The following DLC1 variants were observed in gnomAD, a reference collection of about 807,000 sequenced individuals.
DLC1 encodes the protein DLC1 Rho GTPase activating protein, also known as rho GTPase-activating protein 7.
A neutral mutation model predicts 140.3 loss-of-function variants in DLC1; 54 were observed. The ratio of observed to expected loss-of-function variants is 0.38; its 90% CI spans 0.31 to 0.48. The LOEUF (loss-of-function observed/expected upper bound fraction) is 0.48. Ranked by LOEUF, DLC1 falls within the 20% of genes least tolerant of loss-of-function variation. DLC1 has a pLI of 0.96. For missense variants in DLC1, 2,536 were observed against 1,907.0 expected, an observed-to-expected ratio of 1.33 and a Z score of -6.14; for synonymous variants, 986 against 728.1, an observed-to-expected ratio of 1.35 and a Z score of -5.70.
chr8:13,132,242 T>TGTGTGTGTGTGTGTGTG (rs1438491204), intron 5 of DLC1, among the ~76,000 whole-genome samples: 1 of 148,486 alleles, frequency 6.7e-6, no homozygotes, highest in African/African-American at 2.5e-5. Context: ...TGTGTGTGTG[T>TGTGTGTGTGTGTGTGTG]TTCCTAGCAA....
At chr8:13,187,956 T>G (rs1826482653) in intron 5 of DLC1, among the ~76,000 whole-genome samples, 1 of 152,200 alleles carries the variant, frequency 6.6e-6, no homozygotes, top group Admixed American at 6.5e-5. Context: ...CTTGCTCTCC[T>G]TCTCTTTTCC....
intron 1 of DLC1, among the ~76,000 whole-genome samples, chr8:13,597,815 A>G (rs909173613): frequency 3.3e-5 from 5 of 152,108 alleles, no homozygotes; most frequent in Admixed American, 6.6e-5. Context: ...TGAGTAACAA[A>G]CAAACTTATA....
chr8:13,189,621 G>A (rs1826626564), intron 5 of DLC1, among the ~76,000 whole-genome samples: 1 of 151,312 alleles, frequency 6.6e-6, no homozygotes, highest in African/African-American at 2.4e-5. Context: ...TGTGTCTCAT[G>A]CCTGTAATCC....
intron 4 of DLC1, among the ~76,000 whole-genome samples, chr8:13,334,066 G>A (rs889733793): frequency 3.9e-5 from 6 of 152,144 alleles, no homozygotes; most frequent in African/African-American, 1.4e-4. Context: ...AGAAAATAAG[G>A]CCATATGGTG....
chr8:13,271,448 C>A (rs1044007039), intron 5 of DLC1, among the ~76,000 whole-genome samples: 1 of 152,182 alleles, frequency 6.6e-6, no homozygotes, highest in Non-Finnish European at 1.5e-5. Context: ...GTCCAGCACT[C>A]ATTTTGCTAG....
chr8:13,453,414 ATATATATATGTG>A lies in DLC1; in HGVS notation c.1023+45623_1023+45634del, dbSNP rs1293771187. ...TATATATATATATGTGTATATATAT[ATATATATATGTG>A]TATATATATATGTATATATATACAT... On this transcript the variant is annotated intron_variant, in intron 2 of 17. Coordinates refer to ENST00000276297, the MANE Select transcript of DLC1 (RefSeq NM_182643.3). Among the ~76,000 whole-genome samples, 58 of 49,896 alleles carry A rather than the reference ATATATATATGTG, an allele frequency of 1.2e-3. 1 individual carries two copies. The highest frequency in any genetic ancestry group is 1.5e-3 in the Non-Finnish European group (47 of 31,114). 32.7% of individuals were successfully genotyped at this position (49,896 alleles called of 152,430 possible).
chr8:13,572,497 G>A (rs2410090), intron 1 of DLC1, among the ~76,000 whole-genome samples: 77,834 of 151,698 alleles, frequency 0.51, 20,354 homozygotes, highest in East Asian at 0.63. Context: ...ATAAAGTTCA[G>A]TTTTTCTATT....
At chr8:13,237,287 A>T (rs1335031366) in intron 5 of DLC1, among the ~76,000 whole-genome samples, 1 of 147,828 alleles carries the variant, frequency 6.8e-6, no homozygotes, top group African/African-American at 2.5e-5. Flanking sequence ...ATATATATAT[A>T]TAAATATATA....
chr8:13,357,104 A>G (rs1238318486), intron 4 of DLC1, among the ~76,000 whole-genome samples: 1 of 152,040 alleles, frequency 6.6e-6, no homozygotes, highest in Non-Finnish European at 1.5e-5. Context: ...CCCCATTTCT[A>G]CTAAAAATAC....
chr8:13,131,353 A>G (rs944060173), intron 5 of DLC1, among the ~76,000 whole-genome samples: 4 of 152,182 alleles, frequency 2.6e-5, no homozygotes, highest in African/African-American at 9.7e-5. Flanking sequence ...GAGGAAAAAA[A>G]AAATGTAATC....
At chr8:13,541,677 G>A (rs1803488990) in intron 1 of DLC1, among the ~76,000 whole-genome samples, 1 of 152,136 alleles carries the variant, frequency 6.6e-6, no homozygotes, top group African/African-American at 2.4e-5. Flanking sequence ...AGCCTCCCGA[G>A]TAGCTGGGAC....
At chr8:13,500,323 G>T in intron 1 of DLC1, 127 bp from the exon 2 acceptor site, 1 of 355,384 alleles carries the variant, frequency 2.8e-6, no homozygotes. Flanking sequence ...CTGTTTAGTA[G>T]CTTTAATAAT....
intron 2 of DLC1, among the ~76,000 whole-genome samples, chr8:13,413,899 T>TA (rs1265015237): frequency 6.6e-6 from 1 of 152,110 alleles, no homozygotes; most frequent in Admixed American, 6.6e-5. Flanking sequence ...AACAGACTAA[T>TA]ACAACATTCA....
chr8:13,319,221 C>G (rs547808248), intron 4 of DLC1, among the ~76,000 whole-genome samples: 1 of 152,318 alleles, frequency 6.6e-6, no homozygotes, highest in Non-Finnish European at 1.5e-5. Context: ...GTGAAAGTAA[C>G]TTATTGTAAG....
At chr8:13,133,098 C>T in intron 5 of DLC1, 1 of 1,495,008 alleles carries the variant, frequency 6.7e-7, no homozygotes, top group Non-Finnish European at 8.9e-7. Flanking sequence ...CGGTCCTCAA[C>T]GCATCCTTGC....
Position 13,288,335 on chromosome 8 carries a change from C to A in DLC1, c.1348+16934G>T, listed in dbSNP as rs189290293. ...TAACGGATTAATAAGAATTAGTATT[C>A]CTTGTAAAAATTATAATCACTCTTT... is the stretch of plus-strand genomic sequence containing the variant. On this transcript the variant is annotated intron_variant, in intron 5 of 17. Coordinates refer to ENST00000276297, the MANE Select transcript of DLC1 (RefSeq NM_182643.3). Among the ~76,000 whole-genome samples the A allele has an allele frequency of 3.6e-4, 55 of 152,286 alleles. 2 individuals are homozygous for A. In the South Asian group the frequency reaches 4.8e-3, roughly 13 times the overall value.
chr8:13,573,613 G>A (rs1243626177), intron 1 of DLC1, among the ~76,000 whole-genome samples: 3 of 152,100 alleles, frequency 2.0e-5, no homozygotes. Flanking sequence ...TTTCATGTTG[G>A]GAAAGTTCTC....
At chr8:13,137,254 A>C (rs1175491912) in intron 5 of DLC1, among the ~76,000 whole-genome samples, 1 of 152,178 alleles carries the variant, frequency 6.6e-6, no homozygotes, top group East Asian at 1.9e-4. Context: ...TCAAGGTTTC[A>C]TCTGTCTCTG....
chr8:13,475,209 C>T (rs1372095075), intron 2 of DLC1, among the ~76,000 whole-genome samples: 3 of 152,082 alleles, frequency 2.0e-5, no homozygotes, highest in African/African-American at 7.2e-5. Flanking sequence ...TTTTTTCTGT[C>T]ATGCCTCAAA....
Sources: gnomAD v4.1 joint callset for allele counts (sites outside exome capture counted in the v4.1 genomes callset) on GRCh38, gnomAD v4.1.1 for gene constraint, MANE v1.5 for transcripts, NCBI Gene and HGNC (gene_info 2026-07-23, HGNC 2026-07-21) for gene names.